PRKN: variants seen among roughly 807,000 people sequenced by gnomAD.
The protein encoded by PRKN is E3 ubiquitin-protein ligase parkin.
Under a neutral mutation model 59.5 loss-of-function variants are expected in PRKN, and 56 were observed. The observed-to-expected ratio is 0.94, with a 90% CI of 0.76 to 1.18. PRKN has a LOEUF of 1.18. PRKN is among the 50% of genes most tolerant of loss of function. PRKN has a pLI of 0.00. For missense variants in PRKN, 657 were observed against 596.4 expected, an observed-to-expected ratio of 1.10 and a Z score of -1.06; for synonymous variants, 250 against 222.1, an observed-to-expected ratio of 1.13 and a Z score of -1.12.
In PRKN at chr6:161,680,754, TATATATATATATATA is replaced by T. The variant is rs1431366667; in HGVS notation, c.871+105003_871+105017del. Among the ~76,000 whole-genome samples the T allele has an allele frequency of 5.7e-3, 133 of 23,320 alleles. 9 individuals carry two copies. Among genetic ancestry groups the T allele is most frequent in the African/African-American group, 0.013 (98 of 7,800 alleles). 15.3% of individuals were successfully genotyped at this position (23,320 alleles called of 152,430 possible). A position where few individuals can be genotyped will look rare whatever the true frequency, so the allele number is the denominator to read the frequency against. ...ATATATATATATATATATATATATA[TATATATATATATATA>T]TATATATTTTTTTTTTTTTTTCTTT... On this transcript the variant is annotated intron_variant, in intron 7 of 11. Coordinates refer to ENST00000366898, the MANE Select transcript of PRKN (RefSeq NM_004562.3).
At chr6:162,646,109 T>C in intron 1 of PRKN, among the ~76,000 whole-genome samples, 1 of 151,868 alleles carries the variant, frequency 6.6e-6, no homozygotes, top group East Asian at 1.9e-4. Context: ...CCTGACCTCG[T>C]AAACCGCCCG....
At chr6:162,315,604 G>A (rs1028142708) in intron 2 of PRKN, among the ~76,000 whole-genome samples, 10 of 152,134 alleles carry the variant, frequency 6.6e-5, no homozygotes, top group Non-Finnish European at 1.3e-4. Flanking sequence ...TTAATTAACA[G>A]GAGATGTTAA....
At position 162,303,005 on chromosome 6, in the gene PRKN, C is replaced by T. The variant is rs556901203; in HGVS notation, c.172-40240G>A. On this transcript the variant is annotated intron_variant, in intron 2 of 11. Coordinates refer to ENST00000366898, the MANE Select transcript of PRKN (RefSeq NM_004562.3). ...ACACACACACACACACACACAGACA[C>T]ACACACTTCCCAGAGAAAGCAGTTA... Among the ~76,000 whole-genome samples, 5 of 148,122 alleles carry T rather than the reference C, an allele frequency of 3.4e-5. No individual in the cohort carries two copies. The South Asian group carries it at 1.1e-3, about 32-fold the overall frequency.
rs769880423 is a variant in PRKN at position 161,362,254 on chromosome 6, C to G, written c.1168-2049G>C. Among the ~76,000 whole-genome samples, 1 of 152,176 alleles carries G rather than the reference C, an allele frequency of 6.6e-6. No homozygotes were observed. Among genetic ancestry groups the G allele is most frequent in the Non-Finnish European group, 1.5e-5 (1 of 68,032 alleles). ...TGGAAAAAAATCTTTTTTAAACGTA[C>G]GGCTGATAGGGTGGGAAGGCAAAGG... On this transcript the variant is annotated intron_variant, in intron 10 of 11. Coordinates refer to ENST00000366898, the MANE Select transcript of PRKN (RefSeq NM_004562.3). The surrounding 1 kb of genome is among the most constrained non-coding windows in gnomAD (Gnocchi z 5.2).
At chr6:162,246,340 A>C (rs1779193274) in intron 3 of PRKN, among the ~76,000 whole-genome samples, 1 of 152,152 alleles carries the variant, frequency 6.6e-6, no homozygotes, top group Admixed American at 6.6e-5. Flanking sequence ...CCATCTGTAC[A>C]CCAAAGAGAC....
At chr6:162,617,757 A>AT (rs1782492338) in intron 1 of PRKN, among the ~76,000 whole-genome samples, 3 of 106,296 alleles carry the variant, frequency 2.8e-5, no homozygotes, top group Non-Finnish European at 6.0e-5. Context: ...TCTGAAAAAT[A>AT]ATTTTTTTTT....
At chr6:161,917,938 T>C (rs1157149844) in intron 6 of PRKN, among the ~76,000 whole-genome samples, 6 of 152,210 alleles carry the variant, frequency 3.9e-5, no homozygotes, top group African/African-American at 1.4e-4. Context: ...TGACCTATCA[T>C]ATTTCCTTGA....
intron 4 of PRKN, among the ~76,000 whole-genome samples, chr6:162,075,353 T>C (rs927522743): frequency 6.6e-6 from 1 of 152,044 alleles, no homozygotes; most frequent in Non-Finnish European, 1.5e-5. Context: ...ATCATCATCA[T>C]AGAAATATTA....
At chr6:162,042,726 A>C (rs571280881) in intron 5 of PRKN, among the ~76,000 whole-genome samples, 2 of 152,330 alleles carry the variant, frequency 1.3e-5, no homozygotes, top group Admixed American at 6.5e-5. Context: ...TTGATTCTCT[A>C]AAGTGTCTTC....
intron 6 of PRKN, among the ~76,000 whole-genome samples, chr6:161,923,316 C>T (rs1778849801): frequency 6.6e-6 from 1 of 152,150 alleles, no homozygotes; most frequent in South Asian, 2.1e-4. Context: ...AACCCTGTCT[C>T]TACTAAAAAT....
chr6:161,852,693 T>G (rs987619701), intron 6 of PRKN, among the ~76,000 whole-genome samples: 1 of 152,074 alleles, frequency 6.6e-6, no homozygotes, highest in Non-Finnish European at 1.5e-5. Flanking sequence ...GAAGAAACAT[T>G]AAATGCACAC....
intron 2 of PRKN, among the ~76,000 whole-genome samples, chr6:162,441,307 A>T (rs1036420125): frequency 1.3e-5 from 2 of 152,144 alleles, no homozygotes; most frequent in African/African-American, 4.8e-5. Context: ...AATATAGCCC[A>T]TATTTTATTT....
In PRKN at chr6:161,908,603, T is replaced by C. The variant is rs935516573; in HGVS notation, c.734+64699A>G. On this transcript the variant is annotated intron_variant, in intron 6 of 11. Coordinates refer to ENST00000366898, the MANE Select transcript of PRKN (RefSeq NM_004562.3). ...AGTGATTACAAGAAAAAAAAACGAA[T>C]AGTTTAATTTAAAATCCAGATTGGT... Among the ~76,000 whole-genome samples, 17 of 151,834 alleles carry C rather than the reference T, an allele frequency of 1.1e-4. 1 individual carries two copies. The highest frequency in any genetic ancestry group is 1.5e-5 in the Non-Finnish European group (1 of 67,986).
At chr6:161,464,973 G>A (rs1468940365) in intron 9 of PRKN, among the ~76,000 whole-genome samples, 2 of 152,216 alleles carry the variant, frequency 1.3e-5, no homozygotes, top group African/African-American at 4.8e-5. Flanking sequence ...GGTGACAACT[G>A]CTTCTGCAGA....
At chr6:162,476,849 A>G (rs1034287609) in intron 1 of PRKN, among the ~76,000 whole-genome samples, 4 of 152,156 alleles carry the variant, frequency 2.6e-5, no homozygotes, top group African/African-American at 4.8e-5. Context: ...TCGTGTACAT[A>G]AGCAAAGGGA....
chr6:162,198,475 T>C (rs1443218220), intron 4 of PRKN, among the ~76,000 whole-genome samples: 1 of 151,822 alleles, frequency 6.6e-6, no homozygotes, highest in Non-Finnish European at 1.5e-5. Context: ...TATATATACA[T>C]ACATACATAA....
chr6:161,804,062 G>A (rs1462385659), intron 6 of PRKN, among the ~76,000 whole-genome samples: 1 of 152,180 alleles, frequency 6.6e-6, no homozygotes, highest in Non-Finnish European at 1.5e-5. Context: ...GAACACTGAC[G>A]GTAACACATA....
intron 1 of PRKN, among the ~76,000 whole-genome samples, chr6:162,685,149 T>A (rs911230371): frequency 6.6e-6 from 1 of 152,172 alleles, no homozygotes; most frequent in Non-Finnish European, 1.5e-5. Context: ...CTTTAAGATG[T>A]TGATGATGAA....
At chr6:161,937,029 G>T (rs551222011) in intron 6 of PRKN, among the ~76,000 whole-genome samples, 2 of 151,852 alleles carry the variant, frequency 1.3e-5, no homozygotes, top group South Asian at 4.2e-4. Flanking sequence ...CAAGTAATCT[G>T]CATGCCTTGG....
Sources: allele counts gnomAD v4.1 joint callset (sites outside exome capture counted in the v4.1 genomes callset), GRCh38; gene constraint gnomAD v4.1.1; non-coding constraint Gnocchi (gnomAD v3.1); transcripts MANE v1.5; gene names NCBI Gene and HGNC (gene_info 2026-07-23, HGNC 2026-07-21).